Variants in SCYL2 observed in about 807,000 individuals in gnomAD.
SCYL2 encodes the protein SCY1-like protein 2.
Under a neutral mutation model 100.4 loss-of-function variants are expected in SCYL2, and 36 were observed. The observed-to-expected ratio is 0.36, with a 90% CI of 0.27 to 0.47. SCYL2 has a LOEUF of 0.47. Ranked by LOEUF, SCYL2 falls within the 20% of genes least tolerant of loss-of-function variation. The probability of loss-of-function intolerance (pLI) is 1.00; values close to 1 mark genes in which losing one functional copy is unlikely to be tolerated. For synonymous variants in SCYL2, 330 were observed against 359.2 expected (o/e 0.92, Z 0.92); for missense variants, 902 against 1,083.9 (o/e 0.83, Z 2.36).
chr12:100,324,099 T>A (rs1357057082), intron 11 of SCYL2, among the ~76,000 whole-genome samples: 2 of 152,154 alleles, frequency 1.3e-5, no homozygotes, highest in Non-Finnish European at 2.9e-5. Flanking sequence ...AATAAATTAA[T>A]GTGAATACAA....
At chr12:100,331,996 A>T (rs1952215179) in intron 13 of SCYL2, among the ~76,000 whole-genome samples, 1 of 152,176 alleles carries the variant, frequency 6.6e-6, no homozygotes. Flanking sequence ...AGGAGGACTC[A>T]GGACTCAGCA....
At chr12:100,275,185 A>G (rs767728704) in intron 1 of SCYL2, among the ~76,000 whole-genome samples, 1 of 152,100 alleles carries the variant, frequency 6.6e-6, no homozygotes, top group African/African-American at 2.4e-5. Context: ...GTAGAAATAC[A>G]TAGAAATGCA....
chr12:100,304,043 T>C (rs1406592321), intron 4 of SCYL2, among the ~76,000 whole-genome samples: 4 of 152,148 alleles, frequency 2.6e-5, no homozygotes, highest in Non-Finnish European at 5.9e-5. Context: ...TCTACGCGGC[T>C]TTGTTTACAC....
At chr12:100,283,969 T>C (rs1017527764) in intron 2 of SCYL2, among the ~76,000 whole-genome samples, 3 of 152,234 alleles carry the variant, frequency 2.0e-5, no homozygotes, top group Admixed American at 1.3e-4. Flanking sequence ...TGCTTTTTTC[T>C]TCAATTCACC....
At chr12:100,307,261 AACCAAAACAGCATGGTACTGAT>A (rs1352443668) in intron 4 of SCYL2, among the ~76,000 whole-genome samples, 1 of 152,206 alleles carries the variant, frequency 6.6e-6, no homozygotes, top group Non-Finnish European at 1.5e-5. Context: ...AGGCTACAGT[AACCAAAACAGCATGGTACTGAT>A]ACCAAAACAG....
intron 13 of SCYL2, among the ~76,000 whole-genome samples, chr12:100,333,446 T>G (rs1433020581): frequency 6.6e-6 from 1 of 152,214 alleles, no homozygotes; most frequent in East Asian, 1.9e-4. Context: ...AAATAGTGTA[T>G]GTATAAACAC....
intron 11 of SCYL2, 79 bp from the exon 12 acceptor site, chr12:100,326,543 A>G: frequency 1.0e-6 from 1 of 968,362 alleles, no homozygotes; most frequent in South Asian, 2.0e-5. Flanking sequence ...ATTTATATGA[A>G]GATTAAGTTT....
At chr12:100,294,201 G>C (rs182599740) in intron 3 of SCYL2, among the ~76,000 whole-genome samples, 19,458 of 140,376 alleles carry the variant, frequency 0.14, 1,707 homozygotes, top group Non-Finnish European at 0.17. Context: ...CTGGCCAGGC[G>C]GGGGGGTGAC....
At chr12:100,268,050 T>C (rs4565995) in intron 1 of SCYL2, among the ~76,000 whole-genome samples, 142,487 of 152,190 alleles carry the variant, frequency 0.94, 66,846 homozygotes, top group East Asian at 1. Flanking sequence ...TTATTGGACT[T>C]TGAGCACATA....
At chr12:100,308,086 C>T (rs1049106531) in intron 4 of SCYL2, among the ~76,000 whole-genome samples, 1 of 152,104 alleles carries the variant, frequency 6.6e-6, no homozygotes, top group African/African-American at 2.4e-5. Flanking sequence ...ATGGCGATTC[C>T]TCAAGGATCT....
chr12:100,270,239 G>A lies in SCYL2; in HGVS notation c.-29+2447G>A, dbSNP rs370277197. On this transcript the variant is annotated intron_variant, in intron 1 of 17. Coordinates refer to ENST00000360820, the MANE Select transcript of SCYL2 (RefSeq NM_017988.6). ...CTGACCCTCGTGATCCACCCGCCTC[G>A]GCTTCCCAAAGTGCTGGGATTAAAG... Among the ~76,000 whole-genome samples, 58 of 152,102 alleles carry A rather than the reference G, an allele frequency of 3.8e-4. No homozygotes were observed. The South Asian group carries it at 7.7e-3, about 20-fold the overall frequency.
rs2135952056 is a variant in SCYL2, at chr12:100,339,965, G to A, written c.*793G>A. 1 of 152,664 alleles carries A rather than the reference G, an allele frequency of 6.6e-6. No individual in the cohort carries two copies. The highest frequency in any genetic ancestry group is 1.5e-5 in the Non-Finnish European group (1 of 67,992). 9.5% of individuals were successfully genotyped at this position (152,664 alleles called of 1,614,324 possible). On this transcript the variant is annotated 3_prime_UTR_variant, in exon 18 of 18. Transcript: ENST00000360820. ...GATATTTGACAAGGCACTCTGATGTGACTTCCCTGACTACTACCTTCATAT... is the reference window on the plus strand; with the variant it reads ...GATATTTGACAAGGCACTCTGATGTAACTTCCCTGACTACTACCTTCATAT...
intron 10 of SCYL2, among the ~76,000 whole-genome samples, chr12:100,321,272 C>A (rs551736232): frequency 2.6e-5 from 4 of 152,322 alleles, no homozygotes; most frequent in African/African-American, 9.6e-5. Context: ...TGTCTTCTAA[C>A]TATAAATGGA....
intron 4 of SCYL2, 71 bp downstream of exon 4, chr12:100,298,246 T>C: frequency 8.9e-7 from 1 of 1,126,448 alleles, no homozygotes; most frequent in Non-Finnish European, 1.2e-6. Flanking sequence ...TTCAAACTTA[T>C]TAACCATGTA....
chr12:100,302,343 A>G (rs2096328818), intron 4 of SCYL2, among the ~76,000 whole-genome samples: 1 of 152,162 alleles, frequency 6.6e-6, no homozygotes, highest in Non-Finnish European at 1.5e-5. Flanking sequence ...TAAGAGTTGC[A>G]TAGAAATTGC....
chr12:100,317,738 T>C, intron 9 of SCYL2, 65 bp from the exon 10 acceptor site: 1 of 1,506,996 alleles, frequency 6.6e-7, no homozygotes, highest in Non-Finnish European at 8.8e-7. Flanking sequence ...AAGCTTTACA[T>C]TTGGCATATA....
chr12:100,276,001 T>C lies in SCYL2; in HGVS notation c.-28-6942T>C, dbSNP rs111441006. On this transcript the variant is annotated intron_variant, in intron 1 of 17. Transcript: ENST00000360820. Reference sequence around the variant, plus strand: ...TCATTTTTAAAAGTTGAATTAACATTGCATTCCTGAAGTGAACCCCATTTG... The same window carrying C: ...TCATTTTTAAAAGTTGAATTAACATCGCATTCCTGAAGTGAACCCCATTTG... Among the ~76,000 whole-genome samples, 525 of 152,330 alleles carry C rather than the reference T, an allele frequency of 3.4e-3. 2 individuals carry two copies. The highest frequency in any genetic ancestry group is 6.2e-3 in the Non-Finnish European group (423 of 68,026).
intron 11 of SCYL2, 25 bp downstream of exon 11, chr12:100,323,663 G>T: frequency 1.5e-6 from 2 of 1,314,344 alleles, no homozygotes; most frequent in East Asian, 2.3e-5. Context: ...ATTAATTTTT[G>T]TTTTTCTTTT....
chr12:100,336,947 A>G (rs1312206212), intron 16 of SCYL2, among the ~76,000 whole-genome samples: 1 of 152,178 alleles, frequency 6.6e-6, no homozygotes, highest in Non-Finnish European at 1.5e-5. Flanking sequence ...AAAGTTGATA[A>G]AAGACAAGAC....
Sources: allele counts gnomAD v4.1 joint callset (sites outside exome capture counted in the v4.1 genomes callset), GRCh38; gene constraint gnomAD v4.1.1; transcripts MANE v1.5; gene names NCBI Gene and HGNC (gene_info 2026-07-23, HGNC 2026-07-21).